BCL2L13: variants seen among roughly 807,000 people sequenced by gnomAD.
The protein encoded by BCL2L13 is bcl-2-like protein 13.
BCL2L13 carries 13 observed loss-of-function variants against 25.8 expected under a neutral mutation model. The observed-to-expected ratio is 0.50, with a 90% CI of 0.33 to 0.80. BCL2L13 has a LOEUF of 0.80. Among genes scored for constraint, BCL2L13 ranks in the 30% least tolerant of loss-of-function variants. The pLI is 0.02. For synonymous variants in BCL2L13, 244 were observed against 230.3 expected, an observed-to-expected ratio of 1.06 and a Z score of -0.54; for missense variants, 504 against 574.9, an observed-to-expected ratio of 0.88 and a Z score of 1.26.
chr22:17,693,385 T>G (rs1192374107), intron 4 of BCL2L13, among the ~76,000 whole-genome samples: 3 of 134,034 alleles, frequency 2.2e-5, no homozygotes, highest in South Asian at 2.4e-4. Flanking sequence ...TTTTTTTTTT[T>G]TTTTTTTTTT....
intron 1 of BCL2L13, among the ~76,000 whole-genome samples, chr22:17,640,901 T>A (rs1042138185): frequency 2.9e-4 from 44 of 150,112 alleles, no homozygotes; most frequent in African/African-American, 8.0e-4. Context: ...TATATATATT[T>A]TTTTTTTGAG....
At chr22:17,677,961 G>A (rs1453447272) in intron 2 of BCL2L13, among the ~76,000 whole-genome samples, 3 of 152,110 alleles carry the variant, frequency 2.0e-5, no homozygotes, top group Admixed American at 6.5e-5. Context: ...TGGGAAGATC[G>A]CTTGAGCCTA....
intron 1 of BCL2L13, among the ~76,000 whole-genome samples, chr22:17,654,962 A>G (rs918808364): frequency 1.3e-5 from 2 of 151,944 alleles, no homozygotes; most frequent in Non-Finnish European, 2.9e-5. Flanking sequence ...GGACTCAAGC[A>G]GTCCTCCCAC....
chr22:17,630,591 CTTTT>C (rs568905142), intron 1 of BCL2L13, among the ~76,000 whole-genome samples: 2 of 120,568 alleles, frequency 1.7e-5, no homozygotes, highest in Non-Finnish European at 1.7e-5. Context: ...TTTTTCTTTT[CTTTT>C]TTTTTTTTTT....
chr22:17,673,477 C>T (rs1200407399), intron 2 of BCL2L13, among the ~76,000 whole-genome samples: 2 of 151,262 alleles, frequency 1.3e-5, no homozygotes, highest in African/African-American at 4.9e-5. Context: ...ATGCCATTCA[C>T]CTGCCTCAGG....
chr22:17,664,305 C>T (rs2401165), intron 2 of BCL2L13, among the ~76,000 whole-genome samples: 79,759 of 152,038 alleles, frequency 0.52, 21,568 homozygotes, highest in East Asian at 0.84. Flanking sequence ...TCTTAAAGCT[C>T]CAAAATGACC....
chr22:17,680,518 AAAAAAAAAAAAAAAAAAAAAAAAG>A (rs1254256385), intron 2 of BCL2L13, among the ~76,000 whole-genome samples: 72 of 83,610 alleles, frequency 8.6e-4, no homozygotes, highest in African/African-American at 3.0e-3. Context: ...TCTCAAAAAA[AAAAAAAAAAAAAAAAAAAAAAAAG>A]AAAAAAAGAC....
chr22:17,712,515 T>C (rs2060791040), intron 6 of BCL2L13, among the ~76,000 whole-genome samples: 1 of 152,226 alleles, frequency 6.6e-6, no homozygotes, highest in Non-Finnish European at 1.5e-5. Flanking sequence ...GTAAAATTAC[T>C]CTGTACCTGA....
chr22:17,655,730 G>C lies in BCL2L13; in HGVS notation c.19G>C (p.Val7Leu), dbSNP rs767830508. ...CAATTCAATGGCGTCCTCTTCTACT[G>C]TGCCTCTGGGATTTCACTATGAAAC... MASSST[V>L]PLGFHYETKY... Residue 7 changes from valine (V) to leucine (L), a missense_variant, in exon 2 of 7, where the codon GTG (valine) becomes CTG (leucine). Transcript: ENST00000317582. The C allele has an allele frequency of 1.2e-6, 2 of 1,613,056 alleles. No homozygotes were observed. The highest frequency in any genetic ancestry group is 1.7e-6 in the Non-Finnish European group (2 of 1,179,502).
rs529574525 is a variant in BCL2L13 at position 17,699,403 on chromosome 22, A to T, written c.457-2840A>T. Among the ~76,000 whole-genome samples the T allele has an allele frequency of 2.0e-5, 3 of 152,310 alleles. No homozygotes were observed. In the South Asian group the frequency reaches 6.2e-4, roughly 32 times the overall value. ...AGCAAGCTCATATATTATTTAATAA[A>T]AGGATAATGTCCCTAAATTTAAGTA... On this transcript the variant is annotated intron_variant, in intron 5 of 6. Coordinates refer to ENST00000317582, the MANE Select transcript of BCL2L13 (RefSeq NM_015367.4).
intron 2 of BCL2L13, among the ~76,000 whole-genome samples, chr22:17,672,966 T>C (rs1443642228): frequency 6.6e-6 from 1 of 152,194 alleles, no homozygotes; most frequent in Non-Finnish European, 1.5e-5. Context: ...ATGTATTCCT[T>C]GTCACTGTGC....
chr22:17,667,986 A>G (rs1469687788), intron 2 of BCL2L13, among the ~76,000 whole-genome samples: 48 of 38,606 alleles, frequency 1.2e-3, no homozygotes, highest in Non-Finnish European at 1.3e-3. Context: ...TTTTTTTTTG[A>G]GAGCATGAGG....
chr22:17,703,870 C>T (rs1447379184), intron 6 of BCL2L13: 1 of 152,044 alleles, frequency 6.6e-6, no homozygotes, highest in African/African-American at 2.4e-5. Context: ...AGGAGACATC[C>T]CAGGTTAACT....
At position 17,730,195 on chromosome 22, in the gene BCL2L13, A is replaced by C. The variant is rs965773376; in HGVS notation, c.*2661A>C. ...AATTTATCCTCTCTGTATTAAAGTG[A>C]TAATTCTGGGCCCACAGAAATCAGT... On this transcript the variant is annotated 3_prime_UTR_variant, in exon 7 of 7. Transcript: ENST00000317582. The C allele has an allele frequency of 6.6e-6, 1 of 152,212 alleles. No homozygotes were observed. The highest frequency in any genetic ancestry group is 2.4e-5 in the African/African-American group (1 of 41,460). The allele number at this position is 152,212 out of a possible 1,614,324, so 9.4% of individuals were successfully genotyped here.
In BCL2L13 at chr22:17,726,932, G is replaced by A; in HGVS notation, c.856G>A (p.Val286Met). ...WQQIAMDPEE[V>M]KSLDSNGAGE... ...GCAGATTGCAATGGATCCTGAAGAAGTGAAAAGCTTAGACAGCAACGGAGC... is the reference window on the plus strand; with the variant it reads ...GCAGATTGCAATGGATCCTGAAGAAATGAAAAGCTTAGACAGCAACGGAGC... Residue 286 changes from valine (V) to methionine (M), a missense_variant, in exon 7 of 7, where the codon GTG becomes ATG. Coordinates refer to ENST00000317582, the MANE Select transcript of BCL2L13 (RefSeq NM_015367.4). The A allele has an allele frequency of 6.2e-7, 1 of 1,614,214 alleles. No homozygotes were observed. The highest frequency in any genetic ancestry group is 8.5e-7 in the Non-Finnish European group (1 of 1,180,050).
intron 5 of BCL2L13, among the ~76,000 whole-genome samples, chr22:17,699,142 CAT>C (rs1282062484): frequency 2.0e-5 from 3 of 152,156 alleles, no homozygotes; most frequent in African/African-American, 7.2e-5. Flanking sequence ...CACTGGGTGA[CAT>C]ATAATATCTG....
intron 2 of BCL2L13, among the ~76,000 whole-genome samples, chr22:17,670,502 G>A (rs2059383139): frequency 6.6e-6 from 1 of 151,294 alleles, no homozygotes; most frequent in Non-Finnish European, 1.5e-5. Flanking sequence ...AGCCTCCCAA[G>A]TAGCTGGGAT....
intron 3 of BCL2L13, among the ~76,000 whole-genome samples, chr22:17,688,016 C>T (rs1450287730): frequency 6.6e-6 from 1 of 151,904 alleles, no homozygotes; most frequent in Non-Finnish European, 1.5e-5. Flanking sequence ...CGGGGTTTCC[C>T]CATGTTGGTC....
intron 4 of BCL2L13, among the ~76,000 whole-genome samples, chr22:17,693,372 GTTTTTTTTTTTT>G (rs869268984): frequency 2.8e-5 from 2 of 70,608 alleles, no homozygotes; most frequent in African/African-American, 1.0e-4. Context: ...TTTAGTGTTT[GTTTTTTTTTTTT>G]TTTTTTTTTT....
Sources: allele counts gnomAD v4.1 joint callset (sites outside exome capture counted in the v4.1 genomes callset), GRCh38; gene constraint gnomAD v4.1.1; transcripts MANE v1.5; gene names NCBI Gene and HGNC (gene_info 2026-07-23, HGNC 2026-07-21).